The following ULK4 variants were observed in gnomAD, a reference collection of about 807,000 sequenced individuals.
The protein encoded by ULK4 is inactive serine/threonine-protein kinase ULK4.
ULK4 carries 133 observed loss-of-function variants against 160.6 expected under a neutral mutation model. The ratio of observed to expected loss-of-function variants is 0.83; its 90% CI spans 0.72 to 0.96. ULK4 has a LOEUF of 0.96. Among genes scored for constraint, ULK4 ranks in the 40% least tolerant of loss-of-function variants. The pLI, the probability that ULK4 is intolerant of heterozygous loss-of-function variation, is 0.00. For synonymous variants in ULK4, 534 were observed against 539.8 expected (o/e 0.99, Z 0.15); for missense variants, 1,580 against 1,499.5 (o/e 1.05, Z -0.89).
chr3:41,831,526 T>TATATATATATATAG (rs1202231576), intron 18 of ULK4, among the ~76,000 whole-genome samples: 1 of 130,544 alleles, frequency 7.7e-6, no homozygotes, highest in African/African-American at 3.8e-5. Context: ...TTTATATATA[T>TATATATATATATAG]ATATATTTTT....
intron 27 of ULK4, among the ~76,000 whole-genome samples, chr3:41,694,704 A>G (rs2036429169): frequency 1.3e-5 from 2 of 152,210 alleles, no homozygotes; most frequent in South Asian, 4.1e-4. Context: ...AATCATCTCT[A>G]GGTGACTTAT....
intron 30 of ULK4, among the ~76,000 whole-genome samples, chr3:41,639,292 G>A (rs2125713473): frequency 6.6e-6 from 1 of 152,306 alleles, no homozygotes; most frequent in South Asian, 2.1e-4. Flanking sequence ...TGTTGCCACT[G>A]TCTTCAGTGC....
At chr3:41,917,978 C>T (rs563435817) in intron 7 of ULK4, among the ~76,000 whole-genome samples, 1 of 150,682 alleles carries the variant, frequency 6.6e-6, no homozygotes, top group Non-Finnish European at 1.5e-5. Flanking sequence ...CAGAGCAAGA[C>T]TCTGTCTCAA....
chr3:41,775,553 C>A (rs1413257002), intron 21 of ULK4, among the ~76,000 whole-genome samples: 1 of 150,320 alleles, frequency 6.7e-6, no homozygotes, highest in Non-Finnish European at 1.5e-5. Flanking sequence ...CACACACCAC[C>A]ACACCCAGCT....
chr3:41,777,972 G>C (rs1173090730), intron 21 of ULK4, among the ~76,000 whole-genome samples: 2 of 135,398 alleles, frequency 1.5e-5, no homozygotes, highest in Admixed American at 7.4e-5. Context: ...AGTGTTGGAA[G>C]TTCTGGCCAG....
chr3:41,849,316 T>C (rs2042148307), intron 17 of ULK4, among the ~76,000 whole-genome samples: 1 of 152,172 alleles, frequency 6.6e-6, no homozygotes, highest in Non-Finnish European at 1.5e-5. Context: ...TAGAGAAGCA[T>C]TTGTATAGCA....
At chr3:41,838,756 C>T (rs2041829997) in intron 17 of ULK4, among the ~76,000 whole-genome samples, 1 of 152,174 alleles carries the variant, frequency 6.6e-6, no homozygotes, top group Non-Finnish European at 1.5e-5. Context: ...AAAAACTGAT[C>T]GAACTTGGAC....
chr3:41,256,053 C>A (rs534727768), intron 35 of ULK4, among the ~76,000 whole-genome samples: 3 of 151,704 alleles, frequency 2.0e-5, no homozygotes, highest in Non-Finnish European at 4.4e-5. Flanking sequence ...AAAATGCTGA[C>A]GAAAGAAAAT....
intron 35 of ULK4, among the ~76,000 whole-genome samples, chr3:41,340,886 A>C (rs1049815015): frequency 6.6e-6 from 1 of 152,200 alleles, no homozygotes; most frequent in Non-Finnish European, 1.5e-5. Context: ...GGAATCTTAT[A>C]TGGAAATGGA....
chr3:41,942,943 G>A (rs992769384), intron 2 of ULK4, among the ~76,000 whole-genome samples: 4 of 152,096 alleles, frequency 2.6e-5, no homozygotes, highest in Admixed American at 2.6e-4. Context: ...GCTGGGCACG[G>A]TGGCTCAGGC....
At chr3:41,643,740 T>C (rs1397378077) in intron 30 of ULK4, among the ~76,000 whole-genome samples, 1 of 152,224 alleles carries the variant, frequency 6.6e-6, no homozygotes, top group Non-Finnish European at 1.5e-5. Flanking sequence ...AAGTCATTGG[T>C]AGCTTGATGG....
intron 21 of ULK4, among the ~76,000 whole-genome samples, chr3:41,754,868 C>T (rs1293243209): frequency 2.0e-5 from 3 of 152,122 alleles, no homozygotes; most frequent in South Asian, 4.2e-4. Flanking sequence ...GTCACAACTA[C>T]ATGTAGATAT....
At chr3:41,770,782 G>T (rs7636329) in intron 21 of ULK4, among the ~76,000 whole-genome samples, 8,774 of 152,150 alleles carry the variant, frequency 0.058, 833 homozygotes, top group African/African-American at 0.19. Flanking sequence ...CAAAGTGCTG[G>T]GATTACAGGC....
chr3:41,428,341 C>A (rs910156581), intron 34 of ULK4, among the ~76,000 whole-genome samples: 2 of 152,116 alleles, frequency 1.3e-5, no homozygotes, highest in African/African-American at 4.8e-5. Context: ...GGCTATACTG[C>A]GCAAAGTAAT....
chr3:41,938,830 G>A (rs989968497), intron 2 of ULK4, among the ~76,000 whole-genome samples: 4 of 152,120 alleles, frequency 2.6e-5, no homozygotes, highest in Admixed American at 6.6e-5. Flanking sequence ...AACTGCTGGC[G>A]TTTTTTAATT....
chr3:41,730,910 TA>T (rs2037799718), intron 22 of ULK4, among the ~76,000 whole-genome samples: 1 of 152,030 alleles, frequency 6.6e-6, no homozygotes, highest in Non-Finnish European at 1.5e-5. Context: ...TCCATCACAT[TA>T]AGAAAATCAA....
chr3:41,889,292 A>G (rs1397597390), intron 16 of ULK4, among the ~76,000 whole-genome samples: 2 of 152,198 alleles, frequency 1.3e-5, no homozygotes, highest in African/African-American at 4.8e-5. Flanking sequence ...TCTCAAATTC[A>G]GAAGTATATG....
At chr3:41,781,048 T>G (rs1031463137) in intron 21 of ULK4, among the ~76,000 whole-genome samples, 1 of 152,102 alleles carries the variant, frequency 6.6e-6, no homozygotes, top group Non-Finnish European at 1.5e-5. Context: ...TAGAAAAATA[T>G]ATATTTATAC....
chr3:41,357,414 T>TC (rs777212777), intron 35 of ULK4, among the ~76,000 whole-genome samples: 3 of 152,064 alleles, frequency 2.0e-5, no homozygotes, highest in Non-Finnish European at 4.4e-5. Flanking sequence ...TAGAACGCTC[T>TC]CCGGAGTGCT....
Sources: gnomAD v4.1 joint callset for allele counts (sites outside exome capture counted in the v4.1 genomes callset) on GRCh38, gnomAD v4.1.1 for gene constraint, MANE v1.5 for transcripts, NCBI Gene and HGNC (gene_info 2026-07-23, HGNC 2026-07-21) for gene names.